Variants in DNAH14 observed in about 807,000 individuals in gnomAD.
DNAH14 encodes the protein dynein axonemal heavy chain 14.
DNAH14 carries 478 observed loss-of-function variants against 520.9 expected under a neutral mutation model. The ratio of observed to expected loss-of-function variants is 0.92; its 90% confidence interval spans 0.85 to 0.99. The LOEUF (loss-of-function observed/expected upper bound fraction) is 0.99, where lower values mean the gene tolerates loss of function less well. Ranked by LOEUF, DNAH14 falls within the 50% of genes least tolerant of loss-of-function variation. The pLI, the probability that DNAH14 is intolerant of heterozygous loss-of-function variation, is 0.00. For synonymous variants in DNAH14, 1,581 were observed against 1,757.2 expected, an observed-to-expected ratio of 0.90 and a Z score of 2.51; for missense variants, 4,831 against 5,234.5, an observed-to-expected ratio of 0.92 and a Z score of 2.38.
intron 65 of DNAH14, among the ~76,000 whole-genome samples, chr1:225,332,301 A>AGAT (rs2094815284): frequency 6.6e-6 from 1 of 152,212 alleles, no homozygotes; most frequent in Non-Finnish European, 1.5e-5. Context: ...AATCAAAGGG[A>AGAT]GATGATAGCT....
chr1:225,140,734 G>GAT (rs1389167609), intron 27 of DNAH14, 34 bp from the exon 28 acceptor site: 1 of 1,334,976 alleles, frequency 7.5e-7, no homozygotes, highest in East Asian at 2.5e-5. Context: ...TATATAGAGA[G>GAT]AGATATATAT....
chr1:225,141,490 C>T (rs1446628881), intron 28 of DNAH14, among the ~76,000 whole-genome samples: 2 of 146,570 alleles, frequency 1.4e-5, no homozygotes, highest in Non-Finnish European at 3.0e-5. Context: ...GGGGCGGGGG[C>T]GGTCCTGAAA....
Position 225,204,321 on chromosome 1 carries a change from T to A in DNAH14, c.5977+48T>A, listed in dbSNP as rs2087251437. 3 of 1,084,648 alleles carry A rather than the reference T, an allele frequency of 2.8e-6. No individual in the cohort carries two copies. The African/African-American group carries it at 5.0e-5, about 18-fold the overall frequency. The allele number at this position is 1,084,648 out of a possible 1,614,324, so 67.2% of individuals were successfully genotyped here. On this transcript the variant is annotated intron_variant, in intron 39 of 85. Transcript: ENST00000682510. The stretch of plus-strand genomic sequence containing the variant: ...AAGATTATTAATATAGAAGACAAAC[T>A]CTCAACCAATATGAGCTATATTTAT...
chr1:225,012,647 C>T (rs2147919798), intron 10 of DNAH14, among the ~76,000 whole-genome samples: 1 of 152,254 alleles, frequency 6.6e-6, no homozygotes, highest in South Asian at 2.1e-4. Context: ...TTCTTTGAGA[C>T]TTTGTTCATT....
At chr1:225,161,307 A>C (rs2081501874) in intron 35 of DNAH14, among the ~76,000 whole-genome samples, 1 of 152,224 alleles carries the variant, frequency 6.6e-6, no homozygotes, top group African/African-American at 2.4e-5. Context: ...TTCACTTAAC[A>C]TAATGACCGG....
intron 1 of DNAH14, 139 bp downstream of exon 1, chr1:224,929,974 C>A: frequency 3.9e-6 from 2 of 509,402 alleles, no homozygotes; most frequent in Non-Finnish European, 6.8e-6. Context: ...GCTGTGGGAG[C>A]GCCTCCGAGT....
chr1:224,967,183 A>AT (rs887609261), intron 5 of DNAH14, among the ~76,000 whole-genome samples: 9 of 152,116 alleles, frequency 5.9e-5, no homozygotes, highest in African/African-American at 1.4e-4. Flanking sequence ...TATATAGATA[A>AT]TTTTTTCTGA....
intron 43 of DNAH14, among the ~76,000 whole-genome samples, chr1:225,249,186 A>G (rs2092438960): frequency 6.6e-6 from 1 of 152,232 alleles, no homozygotes; most frequent in African/African-American, 2.4e-5. Flanking sequence ...CAGGGCTTCA[A>G]AGATGCAGGT....
rs142406519 is a variant in DNAH14 at position 225,322,906 on chromosome 1, A to G, written c.9495+83A>G. On this transcript the variant is annotated intron_variant, in intron 62 of 85. Transcript: ENST00000682510. ...GACCACCTGCCATCTAAATTGTTCT[A>G]TTCTTAGATGGAGAGACTATTTTCT... 782 of 1,290,762 alleles carry G rather than the reference A, an allele frequency of 6.1e-4. 4 individuals carry two copies. The African/African-American group carries it at 0.01, about 17-fold the overall frequency. The allele number at this position is 1,290,762 out of a possible 1,614,324, so 80.0% of individuals were successfully genotyped here.
intron 81 of DNAH14, among the ~76,000 whole-genome samples, chr1:225,386,960 C>G (rs990761575): frequency 1.3e-5 from 2 of 152,142 alleles, no homozygotes; most frequent in Non-Finnish European, 2.9e-5. Context: ...CGGCACTATT[C>G]ACAATAGCAA....
chr1:225,313,404 T>C (rs1411614224), intron 60 of DNAH14, among the ~76,000 whole-genome samples: 1 of 152,210 alleles, frequency 6.6e-6, no homozygotes, highest in Non-Finnish European at 1.5e-5. Flanking sequence ...CATGGATTCA[T>C]AGATGTTTTG....
At chr1:225,150,088 A>T (rs2080335937) in intron 31 of DNAH14, among the ~76,000 whole-genome samples, 1 of 152,156 alleles carries the variant, frequency 6.6e-6, no homozygotes, top group African/African-American at 2.4e-5. Flanking sequence ...TACCTAGTTT[A>T]TTGAGAATTT....
chr1:225,236,552 G>C (rs1256982485), intron 42 of DNAH14, among the ~76,000 whole-genome samples: 1 of 152,178 alleles, frequency 6.6e-6, no homozygotes, highest in East Asian at 1.9e-4. Flanking sequence ...TTAATCCAGA[G>C]CTGAGTTCAC....
chr1:225,132,467 G>A (rs2078525433), intron 27 of DNAH14, among the ~76,000 whole-genome samples: 1 of 152,028 alleles, frequency 6.6e-6, no homozygotes, highest in Non-Finnish European at 1.5e-5. Flanking sequence ...AGAAAATATG[G>A]TGTTTGGTTT....
chr1:224,943,484 C>G (rs1195110802), intron 1 of DNAH14, among the ~76,000 whole-genome samples: 2 of 152,094 alleles, frequency 1.3e-5, no homozygotes, highest in African/African-American at 4.8e-5. Context: ...TTTTTTGTGT[C>G]TCTATTTCCT....
intron 36 of DNAH14, among the ~76,000 whole-genome samples, chr1:225,171,522 G>C (rs921709554): frequency 1.3e-5 from 2 of 152,148 alleles, no homozygotes; most frequent in African/African-American, 4.8e-5. Flanking sequence ...AAATCTAGAA[G>C]AAATGGAAAA....
intron 55 of DNAH14, among the ~76,000 whole-genome samples, chr1:225,300,253 G>T (rs946257475): frequency 2.0e-5 from 3 of 152,134 alleles, no homozygotes; most frequent in Admixed American, 1.3e-4. Flanking sequence ...CAGTGTTCCT[G>T]CCCAATTCAT....
intron 17 of DNAH14, among the ~76,000 whole-genome samples, chr1:225,057,400 G>T (rs1283672750): frequency 6.6e-6 from 1 of 152,186 alleles, no homozygotes; most frequent in Non-Finnish European, 1.5e-5. Context: ...CTTTGCTAAA[G>T]TTGCCTATCA....
At position 225,331,483 on chromosome 1, in the gene DNAH14, T is replaced by A. The variant is rs994978983; in HGVS notation, c.9770T>A (p.Val3257Asp). ...LFLQAAYKDT[V>D]AEKQLLANRK... is the part of the protein sequence containing the mutation. ...TTACAGGCAGCTTACAAAGATACCG[T>A]TGCTGAAAAACAACTATTAGCAAAT... is the stretch of plus-strand genomic sequence containing the variant. The change falls in exon 65 of 86, where the codon GTT (valine) becomes GAT (aspartate). Residue 3257 changes from valine (V) to aspartate (D), a missense_variant. Val to Asp is a radical substitution (Grantham distance 152). Coordinates refer to ENST00000682510, the MANE Select transcript of DNAH14 (RefSeq NM_001367479.1). The A allele has an allele frequency of 3.9e-6, 6 of 1,551,564 alleles. No individual in the cohort carries two copies. Among genetic ancestry groups the A allele is most frequent in the Non-Finnish European group, 5.2e-6 (6 of 1,146,882 alleles).
Sources: allele counts gnomAD v4.1 joint callset (sites outside exome capture counted in the v4.1 genomes callset), GRCh38; gene constraint gnomAD v4.1.1; transcripts MANE v1.5; gene names NCBI Gene and HGNC (gene_info 2026-07-23, HGNC 2026-07-21).